FUT8: variants seen among roughly 807,000 people sequenced by gnomAD.
The protein encoded by FUT8 is alpha-(1,6)-fucosyltransferase.
FUT8 carries 29 observed loss-of-function variants against 71.3 expected under a neutral mutation model. The observed-to-expected ratio is 0.41, with a 90% CI of 0.30 to 0.55. The LOEUF (loss-of-function observed/expected upper bound fraction) is 0.55, where lower values mean the gene tolerates loss of function less well. Ranked by LOEUF, FUT8 falls within the 20% of genes least tolerant of loss-of-function variation. FUT8 has a pLI of 0.34. For missense variants in FUT8, 544 were observed against 702.1 expected, an observed-to-expected ratio of 0.77 and a Z score of 2.55; for synonymous variants, 254 against 239.3, an observed-to-expected ratio of 1.06 and a Z score of -0.57.
intron 3 of FUT8, among the ~76,000 whole-genome samples, chr14:65,575,624 TC>T (rs1886726820): frequency 1.5e-5 from 2 of 137,216 alleles, no homozygotes; most frequent in African/African-American, 2.7e-5. Context: ...CCTTCCTTCC[TC>T]TTTTTTTTTT....
At chr14:65,463,149 C>G (rs917290983) in intron 2 of FUT8, among the ~76,000 whole-genome samples, 70 of 152,112 alleles carry the variant, frequency 4.6e-4, no homozygotes, top group African/African-American at 1.6e-3. Flanking sequence ...TGTGTTAAAA[C>G]AGACAGAATA....
At chr14:65,388,336 G>T in the FUT8 span, among the ~76,000 whole-genome samples, 1 of 152,122 alleles carries the variant, frequency 6.6e-6, no homozygotes, top group Non-Finnish European at 1.5e-5. Context: ...GCATTATTGG[G>T]CCTAAGCAAA....
chr14:65,406,738 A>G (rs1022902571), upstream of FUT8, among the ~76,000 whole-genome samples: 1 of 152,142 alleles, frequency 6.6e-6, no homozygotes, highest in African/African-American at 2.4e-5. Context: ...GAGTTTCACC[A>G]TGTTGGCCAG....
chr14:65,457,373 T>C (rs1228340738), intron 2 of FUT8, among the ~76,000 whole-genome samples: 1 of 152,152 alleles, frequency 6.6e-6, no homozygotes, highest in Non-Finnish European at 1.5e-5. Flanking sequence ...ATTTTGAGTA[T>C]AGAAAGAGAA....
At chr14:65,576,696 C>CTTTTTTTTTTTTTTTTT (rs376473739) in intron 3 of FUT8, among the ~76,000 whole-genome samples, 15 of 96,214 alleles carry the variant, frequency 1.6e-4, no homozygotes, top group South Asian at 4.0e-4. Flanking sequence ...GCCCAGCTTG[C>CTTTTTTTTTTTTTTTTT]TTTTTTTTTT....
chr14:65,677,987 T>A (rs1892851295), intron 7 of FUT8, among the ~76,000 whole-genome samples: 2 of 152,308 alleles, frequency 1.3e-5, no homozygotes, highest in East Asian at 3.9e-4. Context: ...TGTCATTGAT[T>A]TGGAGTCAGA....
intron 2 of FUT8, among the ~76,000 whole-genome samples, chr14:65,537,631 C>T (rs1412175728): frequency 6.6e-6 from 1 of 152,196 alleles, no homozygotes; most frequent in East Asian, 1.9e-4. Flanking sequence ...TTGTGATCCA[C>T]CCACCTTGGC....
At chr14:65,530,990 A>G (rs1203786458) in intron 2 of FUT8, among the ~76,000 whole-genome samples, 1 of 148,052 alleles carries the variant, frequency 6.8e-6, no homozygotes, top group Non-Finnish European at 1.5e-5. Flanking sequence ...TTACCAATAA[A>G]AAAATTGGTC....
At chr14:65,470,233 G>A (rs1353488623) in intron 2 of FUT8, among the ~76,000 whole-genome samples, 1 of 152,238 alleles carries the variant, frequency 6.6e-6, no homozygotes, top group East Asian at 1.9e-4. Context: ...AAGTGGCAGC[G>A]GGAACAGGCA....
intron 2 of FUT8, among the ~76,000 whole-genome samples, chr14:65,519,950 T>G (rs1376943092): frequency 1.3e-5 from 2 of 152,094 alleles, no homozygotes; most frequent in African/African-American, 4.8e-5. Context: ...GGCTAATTTT[T>G]GTAATTTTTG....
chr14:65,689,022 C>A (rs911545243), intron 7 of FUT8, among the ~76,000 whole-genome samples: 8 of 152,146 alleles, frequency 5.3e-5, no homozygotes, highest in African/African-American at 1.9e-4. Flanking sequence ...CTCCTCATAC[C>A]ATCACACTGG....
intron 2 of FUT8, among the ~76,000 whole-genome samples, chr14:65,551,924 GCT>G (rs1430626737): frequency 1.3e-5 from 2 of 152,036 alleles, no homozygotes; most frequent in African/African-American, 4.8e-5. Flanking sequence ...TGATAAAATA[GCT>G]TAGTTTCAGC....
upstream of FUT8, among the ~76,000 whole-genome samples, chr14:65,407,612 C>T (rs17246042): frequency 0.12 from 18,944 of 152,138 alleles, 1,529 homozygotes; most frequent in East Asian, 0.38. Context: ...ATATCCAATA[C>T]GTTTTAGTGC....
chr14:65,421,021 C>T lies in FUT8; in HGVS notation c.-326+7807C>T, dbSNP rs567675156. Among the ~76,000 whole-genome samples the T allele has an allele frequency of 2.0e-5, 3 of 151,978 alleles. No individual in the cohort carries two copies. In the South Asian group the frequency reaches 6.2e-4, roughly 32 times the overall value. ...CATCCTGGCCAACATGGTGAAACTC[C>T]ATCTCTACTAAAAATACAAAAATTA... is the stretch of plus-strand genomic sequence containing the variant. On this transcript the variant is annotated intron_variant, in intron 1 of 10. Coordinates refer to ENST00000673929, the MANE Select transcript of FUT8 (RefSeq NM_001371533.1).
At chr14:65,650,543 G>A (rs1399805854) in intron 6 of FUT8, among the ~76,000 whole-genome samples, 1 of 151,426 alleles carries the variant, frequency 6.6e-6, no homozygotes, top group African/African-American at 2.4e-5. Context: ...GGACTCTATC[G>A]TGAGAAAAAT....
intron 8 of FUT8, 42 bp downstream of exon 8, chr14:65,722,063 G>T: frequency 6.2e-7 from 1 of 1,602,056 alleles, no homozygotes; most frequent in South Asian, 1.1e-5. Context: ...ATATGTAGTA[G>T]TTAGGGTTAT....
chr14:65,522,713 C>G (rs1883165641), intron 2 of FUT8, among the ~76,000 whole-genome samples: 1 of 119,112 alleles, frequency 8.4e-6, no homozygotes, highest in Non-Finnish European at 1.7e-5. Context: ...CTAATGCTAT[C>G]CCTCCCCCCT....
chr14:65,731,169 T>C (rs1185788249), intron 9 of FUT8, among the ~76,000 whole-genome samples: 2 of 152,214 alleles, frequency 1.3e-5, no homozygotes, highest in African/African-American at 4.8e-5. Flanking sequence ...GTGTGGCTCC[T>C]TATCTCAGGG....
At chr14:65,421,679 C>T (rs2065296625) in intron 1 of FUT8, among the ~76,000 whole-genome samples, 7 of 149,858 alleles carry the variant, frequency 4.7e-5, no homozygotes, top group Admixed American at 4.7e-4. Flanking sequence ...TTAAATTCCT[C>T]TTGTGTGATG....
Sources: allele counts gnomAD v4.1 joint callset (sites outside exome capture counted in the v4.1 genomes callset), GRCh38; gene constraint gnomAD v4.1.1; transcripts MANE v1.5; gene names NCBI Gene and HGNC (gene_info 2026-07-23, HGNC 2026-07-21).